EDA: variants seen among roughly 807,000 people sequenced by gnomAD.
EDA encodes the protein ectodysplasin A, also known as ectodysplasin-A.
EDA carries 2 observed loss-of-function variants against 23.6 expected under a neutral mutation model. That is an observed-to-expected ratio of 0.08 (90% CI 0.03 to 0.27). The LOEUF is 0.27. Ranked by LOEUF, EDA falls within the 10% of genes least tolerant of loss-of-function variation. The pLI is 1.00. For synonymous variants in EDA, 131 were observed against 132.0 expected (o/e 0.99, Z 0.05); for missense variants, 229 against 324.2 (o/e 0.71, Z 2.26).
Position 70,030,516 on chromosome X carries a change from G to A in EDA, c.789G>A (p.Lys263=). ...LQGQGSAIQV[K]NDLSGGVLND... The stretch of plus-strand genomic sequence containing the variant: ...GCCAAGGGTCAGCAATTCAAGTCAA[G>A]AATGGTAAGAATCAAAATAGGCTCT... The change falls in exon 6 of 8, where the codon AAG becomes AAA. Residue 263 remains lysine, a synonymous_variant. Coordinates refer to ENST00000374552, the MANE Select transcript of EDA (RefSeq NM_001399.5). 8.3e-7 allele frequency: 1 copy of A among 1,198,788 alleles called. No homozygotes were observed. The highest frequency in any genetic ancestry group is 1.1e-6 in the Non-Finnish European group (1 of 887,252).
At chrX:70,029,123 G>A (rs2020162998) in intron 4 of EDA, among the ~76,000 whole-genome samples, 1 of 112,908 alleles carries the variant, frequency 8.9e-6, no homozygotes, top group African/African-American at 3.2e-5. Flanking sequence ...TTTACAAATA[G>A]CAGTGGGCTC....
intron 1 of EDA, among the ~76,000 whole-genome samples, chrX:69,641,914 T>C (rs1339933586): frequency 8.9e-6 from 1 of 111,765 alleles, no homozygotes; most frequent in East Asian, 2.8e-4. Flanking sequence ...AGGCTCACAG[T>C]TGATGTGAAA....
rs1017553601 is a variant in EDA, at chrX:69,957,062, G to T, written c.432G>T (p.Lys144Asn). 9.9e-6 allele frequency: 12 copies of T among 1,210,009 alleles called. No homozygotes were observed. The highest frequency in any genetic ancestry group is 1.3e-5 in the Non-Finnish European group (12 of 895,096). The change falls in exon 2 of 8, where the codon AAG (lysine) becomes AAT (asparagine). Residue 144 changes from lysine (K) to asparagine (N), a missense_variant. By Grantham distance (94) the Lys-to-Asn change is moderately conservative. This residue lies in a region of EDA where 175 missense variants were observed against 281.8 expected (regional missense o/e 0.62). Coordinates refer to ENST00000374552, the MANE Select transcript of EDA (RefSeq NM_001399.5). ...TGAATTTCTTCTTCCCTGATGAAAA[G>T]CCATACTCTGAAGAAGAAAGTAGGC... Reference protein sequence around the residue: ...ALLNFFFPDEKPYSEEESRRV... With the variant: ...ALLNFFFPDENPYSEEESRRV...
In EDA at chrX:69,927,910, A is replaced by G. The variant is rs140633394; in HGVS notation, c.397-29117A>G. 1.9e-3 allele frequency among the ~76,000 whole-genome samples: 211 copies of G among 110,968 alleles called. 1 individual carries two copies. Among genetic ancestry groups the G allele is most frequent in the Non-Finnish European group, 1.6e-3 (87 of 52,937 alleles). Reference sequence around the variant, plus strand: ...CTATATGCCATTACTTCAGGGTCACACTAGGTAAAAAACAATAATAGTAAT... The same window carrying G: ...CTATATGCCATTACTTCAGGGTCACGCTAGGTAAAAAACAATAATAGTAAT... On this transcript the variant is annotated intron_variant, in intron 1 of 7. Coordinates refer to ENST00000374552, the MANE Select transcript of EDA (RefSeq NM_001399.5).
intron 1 of EDA, among the ~76,000 whole-genome samples, chrX:69,674,846 C>T (rs1934024256): frequency 9.0e-6 from 1 of 111,696 alleles, no homozygotes; most frequent in Non-Finnish European, 1.9e-5. Flanking sequence ...TTACTACCAC[C>T]TTCTACTCTC....
chrX:69,946,921 C>T (rs1209062546), intron 1 of EDA, among the ~76,000 whole-genome samples: 1 of 112,329 alleles, frequency 8.9e-6, no homozygotes, highest in East Asian at 2.8e-4. Context: ...AATCCAGCTT[C>T]ATAAAGGTAA....
At chrX:69,776,371 G>C (rs1325051631) in intron 1 of EDA, among the ~76,000 whole-genome samples, 1 of 111,267 alleles carries the variant, frequency 9.0e-6, no homozygotes, top group Admixed American at 9.6e-5. Context: ...TGAATCACGA[G>C]GGTGGTTTTC....
At chrX:69,822,165 G>C (rs2016243315) in intron 1 of EDA, among the ~76,000 whole-genome samples, 1 of 110,592 alleles carries the variant, frequency 9.0e-6, no homozygotes. Flanking sequence ...CACGCCTGTA[G>C]TCCTAGCTAC....
chrX:69,696,988 A>G (rs2011369276), intron 1 of EDA, among the ~76,000 whole-genome samples: 2 of 112,103 alleles, frequency 1.8e-5, no homozygotes, highest in South Asian at 7.4e-4. Context: ...ATTGCAGTTC[A>G]GAAATAGGTG....
chrX:69,947,854 C>T (rs2018856881), intron 1 of EDA, among the ~76,000 whole-genome samples: 1 of 112,362 alleles, frequency 8.9e-6, no homozygotes, highest in Admixed American at 9.4e-5. Flanking sequence ...TTTTTCAGCT[C>T]TGTTCTGGAT....
chrX:69,749,785 A>G, intron 1 of EDA: 1 of 111,131 alleles, frequency 9.0e-6, no homozygotes, highest in Non-Finnish European at 1.9e-5. Context: ...AACTACATAC[A>G]AATAACACAG....
intron 1 of EDA, among the ~76,000 whole-genome samples, chrX:69,714,345 A>G (rs929804457): frequency 3.6e-5 from 4 of 110,985 alleles, no homozygotes; most frequent in Non-Finnish European, 7.6e-5. Flanking sequence ...CTCGTAGTCT[A>G]TAAGCTTATC....
At chrX:69,839,688 G>T (rs2016854773) in intron 1 of EDA, among the ~76,000 whole-genome samples, 1 of 111,907 alleles carries the variant, frequency 8.9e-6, no homozygotes, top group African/African-American at 3.2e-5. Context: ...TGCTACTAAT[G>T]AAAACCTGTG....
intron 1 of EDA, among the ~76,000 whole-genome samples, chrX:69,687,208 C>G (rs769747450): frequency 1.6e-4 from 17 of 109,171 alleles, no homozygotes; most frequent in Non-Finnish European, 2.8e-4. Flanking sequence ...GCTACTTATA[C>G]GTATCCTTTG....
intron 1 of EDA, among the ~76,000 whole-genome samples, chrX:69,806,762 A>G (rs1375758217): frequency 1.8e-5 from 2 of 109,976 alleles, no homozygotes; most frequent in Admixed American, 9.8e-5. Context: ...GGTAGGGGGT[A>G]AGAGAGTTCC....
At chrX:69,801,009 G>A (rs764532429) in intron 1 of EDA, among the ~76,000 whole-genome samples, 2 of 111,524 alleles carry the variant, frequency 1.8e-5, no homozygotes, top group Admixed American at 9.6e-5. Flanking sequence ...TTTATGATGT[G>A]TCCCTTATTG....
intron 1 of EDA, among the ~76,000 whole-genome samples, chrX:69,945,470 T>C (rs1005856686): frequency 1.8e-5 from 2 of 112,115 alleles, no homozygotes; most frequent in African/African-American, 6.5e-5. Flanking sequence ...TGTTTATCCA[T>C]TTATAGAAAT....
chrX:69,771,860 T>G (rs1481909467), intron 1 of EDA, among the ~76,000 whole-genome samples: 1 of 112,647 alleles, frequency 8.9e-6, no homozygotes, highest in Non-Finnish European at 1.9e-5. Context: ...CTGTAGGAAC[T>G]TTGTAGATGC....
At chrX:69,989,144 C>T (rs2019547739) in intron 2 of EDA, among the ~76,000 whole-genome samples, 1 of 112,064 alleles carries the variant, frequency 8.9e-6, no homozygotes, top group Non-Finnish European at 1.9e-5. Context: ...ATCCGCTTCT[C>T]CCCCTCCCAT....
Sources: gnomAD v4.1 joint callset for allele counts (sites outside exome capture counted in the v4.1 genomes callset) on GRCh38, gnomAD v4.1.1 for gene constraint, gnomAD v4.1.1 regional missense constraint, MANE v1.5 for transcripts, NCBI Gene and HGNC (gene_info 2026-07-23, HGNC 2026-07-21) for gene names.